The following COL25A1 variants were observed in gnomAD, a reference collection of about 807,000 sequenced individuals.
COL25A1 encodes the protein collagen alpha-1(XXV) chain.
A neutral mutation model predicts 128.4 loss-of-function variants in COL25A1; 103 were observed. The observed-to-expected ratio is 0.80, with a 90% CI of 0.68 to 0.94. The LOEUF (loss-of-function observed/expected upper bound fraction) is 0.94, where lower values mean the gene tolerates loss of function less well. Among genes scored for constraint, COL25A1 ranks in the 40% least tolerant of loss-of-function variants. COL25A1 has a pLI of 0.00. For missense variants in COL25A1, 745 were observed against 840.0 expected, an observed-to-expected ratio of 0.89 and a Z score of 1.40; for synonymous variants, 279 against 277.2, an observed-to-expected ratio of 1.01 and a Z score of -0.06.
At position 109,048,167 on chromosome 4, in the gene COL25A1, C is replaced by T. The variant is rs779610355; in HGVS notation, c.420+1G>A. On this transcript the variant is annotated splice_donor_variant, in intron 5 of 37. Coordinates refer to ENST00000399132, the MANE Select transcript of COL25A1 (RefSeq NM_198721.4). LOFTEE classifies it high-confidence loss of function. Reference sequence around the variant, plus strand: ...AGCCAAAGTGCAGCAAACATACTTACAGGAGGACCTATGGGGGGAGCAGGT... The same window carrying T: ...AGCCAAAGTGCAGCAAACATACTTATAGGAGGACCTATGGGGGGAGCAGGT... 1.2e-6 allele frequency: 2 copies of T among 1,612,934 alleles called. No homozygotes were observed. The highest frequency in any genetic ancestry group is 8.5e-7 in the Non-Finnish European group (1 of 1,179,076).
At chr4:109,193,829 T>C (rs1775808297) in intron 3 of COL25A1, among the ~76,000 whole-genome samples, 1 of 152,140 alleles carries the variant, frequency 6.6e-6, no homozygotes, top group South Asian at 2.1e-4. Flanking sequence ...TACTCAGAAC[T>C]TGTAGAACCA....
intron 3 of COL25A1, among the ~76,000 whole-genome samples, chr4:109,157,471 C>T (rs1300555173): frequency 6.6e-6 from 1 of 152,130 alleles, no homozygotes; most frequent in Non-Finnish European, 1.5e-5. Context: ...TGTGGGGTTT[C>T]TCCAATATAT....
chr4:108,868,395 T>C (rs1738200503), intron 20 of COL25A1, among the ~76,000 whole-genome samples: 2 of 151,992 alleles, frequency 1.3e-5, no homozygotes, highest in South Asian at 4.1e-4. Context: ...CAAAAATATA[T>C]GGTCACCTAA....
At chr4:108,892,566 C>T (rs1445377354) in intron 16 of COL25A1, among the ~76,000 whole-genome samples, 1 of 152,150 alleles carries the variant, frequency 6.6e-6, no homozygotes, top group Non-Finnish European at 1.5e-5. Context: ...TTGTCCTTGT[C>T]CTGCATTACA....
chr4:109,291,688 T>G (rs1374626572), intron 3 of COL25A1, among the ~76,000 whole-genome samples: 1 of 151,932 alleles, frequency 6.6e-6, no homozygotes, highest in Non-Finnish European at 1.5e-5. Context: ...AATTAAAAAA[T>G]AAGTAAAAAT....
chr4:109,152,902 T>C (rs1771646712), intron 3 of COL25A1, among the ~76,000 whole-genome samples: 1 of 151,790 alleles, frequency 6.6e-6, no homozygotes, highest in African/African-American at 2.4e-5. Context: ...GAAAATGGCG[T>C]TTAATGGGTA....
chr4:109,282,836 C>T (rs980820903), intron 3 of COL25A1, among the ~76,000 whole-genome samples: 69 of 152,260 alleles, frequency 4.5e-4, no homozygotes, highest in African/African-American at 1.6e-3. Flanking sequence ...TGAGAACACT[C>T]GCTTAAGCTA....
chr4:109,098,574 A>G (rs1765606007), intron 3 of COL25A1, among the ~76,000 whole-genome samples: 1 of 152,216 alleles, frequency 6.6e-6, no homozygotes. Flanking sequence ...CTGGATGATA[A>G]TTAAATCTTC....
intron 19 of COL25A1, among the ~76,000 whole-genome samples, chr4:108,879,235 C>T (rs528041853): frequency 7.2e-5 from 11 of 152,190 alleles, no homozygotes; most frequent in African/African-American, 2.7e-4. Flanking sequence ...TCCTAGTCCC[C>T]AAGTTCTTGA....
chr4:109,254,469 T>TATATA, intron 3 of COL25A1, among the ~76,000 whole-genome samples: 1 of 59,584 alleles, frequency 1.7e-5, no homozygotes, highest in South Asian at 4.9e-4. Context: ...AGGCATATGT[T>TATATA]TATATATATA....
intron 3 of COL25A1, among the ~76,000 whole-genome samples, chr4:109,134,276 C>T (rs1769498703): frequency 6.6e-6 from 1 of 151,254 alleles, no homozygotes; most frequent in African/African-American, 2.4e-5. Context: ...TAGATAATTG[C>T]TCTGGCAACT....
intron 17 of COL25A1, 92 bp from the exon 18 acceptor site, chr4:108,889,348 G>A: frequency 8.5e-7 from 1 of 1,171,408 alleles, no homozygotes. Flanking sequence ...GGATGGCCTA[G>A]CCCCCTTCTT....
At chr4:109,285,050 G>T (rs1723743974) in intron 3 of COL25A1, among the ~76,000 whole-genome samples, 1 of 151,912 alleles carries the variant, frequency 6.6e-6, no homozygotes, top group Non-Finnish European at 1.5e-5. Flanking sequence ...TCCCATTCTT[G>T]CATACACCTG....
At chr4:109,238,921 G>C (rs1779645516) in intron 3 of COL25A1, among the ~76,000 whole-genome samples, 2 of 151,978 alleles carry the variant, frequency 1.3e-5, no homozygotes, top group Non-Finnish European at 2.9e-5. Context: ...CCTGCATGCA[G>C]ACTGGTGGGG....
At chr4:108,987,998 T>C (rs975515924) in intron 6 of COL25A1, among the ~76,000 whole-genome samples, 2 of 152,136 alleles carry the variant, frequency 1.3e-5, no homozygotes, top group Non-Finnish European at 2.9e-5. Context: ...CTTAATAACA[T>C]ACCAGGGCCC....
chr4:109,206,735 G>A (rs552737906), intron 3 of COL25A1, among the ~76,000 whole-genome samples: 8 of 152,272 alleles, frequency 5.3e-5, no homozygotes, highest in Admixed American at 2.0e-4. Context: ...TCAGTTGACA[G>A]GTTAACAGTG....
chr4:108,861,116 A>C lies in COL25A1; in HGVS notation c.1198-145T>G, dbSNP rs547464658. On this transcript the variant is annotated intron_variant, in intron 22 of 37. Transcript: ENST00000399132. Reference sequence around the variant, plus strand: ...AACAGCAACCACCACCAAAATAGCAAATGCTTTTTTAAGATGCAGCTTGAA... The same window carrying C: ...AACAGCAACCACCACCAAAATAGCACATGCTTTTTTAAGATGCAGCTTGAA... 409 of 666,066 alleles carry C rather than the reference A, an allele frequency of 6.1e-4. No individual in the cohort carries two copies. In the African/African-American group the frequency reaches 6.9e-3, roughly 11 times the overall value. 41.3% of individuals were successfully genotyped at this position (666,066 alleles called of 1,614,324 possible).
intron 6 of COL25A1, among the ~76,000 whole-genome samples, chr4:108,982,874 T>C (rs759040862): frequency 1.3e-5 from 2 of 152,152 alleles, no homozygotes; most frequent in African/African-American, 4.8e-5. Flanking sequence ...TATGTGCCCA[T>C]GATCAGTCTT....
chr4:109,002,534 G>T (rs1755548290), intron 6 of COL25A1, among the ~76,000 whole-genome samples: 1 of 152,136 alleles, frequency 6.6e-6, no homozygotes, highest in Non-Finnish European at 1.5e-5. Context: ...ATAGAACAAA[G>T]GCTGGAGGGT....
Sources: gnomAD v4.1 joint callset for allele counts (sites outside exome capture counted in the v4.1 genomes callset) on GRCh38, gnomAD v4.1.1 for gene constraint, MANE v1.5 for transcripts, NCBI Gene and HGNC (gene_info 2026-07-23, HGNC 2026-07-21) for gene names.